CNBD1: variants seen among roughly 807,000 people sequenced by gnomAD.
The protein encoded by CNBD1 is cyclic nucleotide binding domain containing 1, also known as cyclic nucleotide-binding domain-containing protein 1.
CNBD1 carries 71 observed loss-of-function variants against 54.4 expected under a neutral mutation model. The ratio of observed to expected loss-of-function variants is 1.30; its 90% CI spans 1.08 to 1.59. The LOEUF is 1.59. Ranked by LOEUF, CNBD1 falls within the 40% of genes most tolerant of loss-of-function variation. The pLI is 0.00. For synonymous variants in CNBD1, 182 were observed against 170.7 expected (o/e 1.07, Z -0.51); for missense variants, 659 against 518.0 (o/e 1.27, Z -2.64).
At chr8:87,353,964 G>A (rs556733795) in intron 10 of CNBD1, 178 bp downstream of exon 10, 43 of 476,514 alleles carry the variant, frequency 9.0e-5, no homozygotes, top group African/African-American at 8.3e-4. Context: ...ATTTTGAAAA[G>A]GGCACATGTT....
chr8:87,210,419 C>A (rs550378917), intron 5 of CNBD1, among the ~76,000 whole-genome samples: 1 of 152,278 alleles, frequency 6.6e-6, no homozygotes, highest in East Asian at 1.9e-4. Context: ...GTGCTGATAG[C>A]CAAGACAGTG....
chr8:87,035,256 G>A (rs562036146), intron 4 of CNBD1, among the ~76,000 whole-genome samples: 1 of 152,192 alleles, frequency 6.6e-6, no homozygotes, highest in East Asian at 1.9e-4. Context: ...TGGGGATTGG[G>A]CTTCTAGTAT....
chr8:87,201,950 AAACTT>A (rs1178096262), intron 4 of CNBD1, among the ~76,000 whole-genome samples: 1 of 152,082 alleles, frequency 6.6e-6, no homozygotes, highest in Non-Finnish European at 1.5e-5. Context: ...AAAGGGGAAA[AAACTT>A]AATATTGGTA....
intron 4 of CNBD1, among the ~76,000 whole-genome samples, chr8:87,159,600 G>A (rs1812814442): frequency 6.6e-6 from 1 of 152,008 alleles, no homozygotes; most frequent in African/African-American, 2.4e-5. Context: ...AGGTAGTGAT[G>A]CTGGATGACC....
Position 87,339,551 on chromosome 8 carries a change from G to A in CNBD1, c.1043-12134G>A, listed in dbSNP as rs575946667. The stretch of plus-strand genomic sequence containing the variant: ...TTTCAGTTTGTTCAGCATTTTGCTT[G>A]TTATTAAGATGAAGTGGTGACTTCC... On this transcript the variant is annotated intron_variant, in intron 8 of 10. Coordinates refer to ENST00000518476, the MANE Select transcript of CNBD1 (RefSeq NM_173538.3). 5.3e-5 allele frequency among the ~76,000 whole-genome samples: 8 copies of A among 152,188 alleles called. No individual in the cohort carries two copies. In the South Asian group the frequency reaches 1.7e-3, roughly 32 times the overall value.
chr8:87,184,665 G>A (rs1357393911), intron 4 of CNBD1, among the ~76,000 whole-genome samples: 1 of 152,224 alleles, frequency 6.6e-6, no homozygotes, highest in Non-Finnish European at 1.5e-5. Flanking sequence ...AGAAGCCACT[G>A]GGGGCCAGGA....
intron 2 of CNBD1, among the ~76,000 whole-genome samples, chr8:87,424,575 G>T (rs1358146821): frequency 6.6e-6 from 1 of 152,140 alleles, no homozygotes; most frequent in East Asian, 1.9e-4. Flanking sequence ...TTTCCATGTA[G>T]TTGCGCGTTT....
At chr8:87,265,608 A>G (rs912556122) in intron 6 of CNBD1, among the ~76,000 whole-genome samples, 1 of 152,042 alleles carries the variant, frequency 6.6e-6, no homozygotes, top group Non-Finnish European at 1.5e-5. Context: ...AATGAATGAA[A>G]CTCTAGATTT....
At chr8:86,904,453 G>A (rs4960992) in intron 2 of CNBD1, among the ~76,000 whole-genome samples, 1 of 151,630 alleles carries the variant, frequency 6.6e-6, no homozygotes, top group Non-Finnish European at 1.5e-5. Context: ...TTTGGTATTT[G>A]CCATGAATCA....
chr8:87,265,067 T>A (rs1269119177), intron 6 of CNBD1, among the ~76,000 whole-genome samples: 1 of 152,154 alleles, frequency 6.6e-6, no homozygotes, highest in Admixed American at 6.6e-5. Context: ...AGTCATGAAG[T>A]CCTTGCCCAT....
intron 4 of CNBD1, among the ~76,000 whole-genome samples, chr8:87,168,582 C>G (rs1388455418): frequency 6.6e-6 from 1 of 151,986 alleles, no homozygotes; most frequent in Non-Finnish European, 1.5e-5. Flanking sequence ...CCGACTCCCT[C>G]TGCTACCCTT....
At chr8:87,102,802 G>C (rs1166216294) in intron 4 of CNBD1, among the ~76,000 whole-genome samples, 1 of 152,046 alleles carries the variant, frequency 6.6e-6, no homozygotes, top group Non-Finnish European at 1.5e-5. Context: ...TTTTAGTAGA[G>C]ACGGGGTTTC....
chr8:87,194,041 G>A (rs1813663547), intron 4 of CNBD1, among the ~76,000 whole-genome samples: 1 of 152,114 alleles, frequency 6.6e-6, no homozygotes, highest in Non-Finnish European at 1.5e-5. Context: ...CTCCTGTCAA[G>A]TCGGCAAATT....
intron 4 of CNBD1, among the ~76,000 whole-genome samples, chr8:87,178,028 G>A (rs1813233547): frequency 6.6e-6 from 1 of 152,290 alleles, no homozygotes; most frequent in South Asian, 2.1e-4. Flanking sequence ...AAGCTTAAAA[G>A]CAATGTGGAG....
chr8:87,087,835 T>C (rs568519041), intron 4 of CNBD1, among the ~76,000 whole-genome samples: 22 of 152,170 alleles, frequency 1.4e-4, no homozygotes, highest in Non-Finnish European at 2.8e-4. Flanking sequence ...TGAGTTTACC[T>C]TTCTCATTTT....
chr8:87,309,089 T>A (rs976153714), intron 8 of CNBD1, among the ~76,000 whole-genome samples: 1 of 152,106 alleles, frequency 6.6e-6, no homozygotes. Flanking sequence ...TGATTTTCGT[T>A]CTTTTGGGTA....
chr8:87,236,812 TGAAA>T (rs1807591641), intron 5 of CNBD1, 103 bp from the exon 6 acceptor site: 1 of 602,762 alleles, frequency 1.7e-6, no homozygotes, highest in Non-Finnish European at 2.8e-6. Flanking sequence ...CAGAATACAC[TGAAA>T]GAAATACGTT....
chr8:86,954,935 TA>T, intron 4 of CNBD1, among the ~76,000 whole-genome samples: 2 of 152,038 alleles, frequency 1.3e-5, no homozygotes, highest in Non-Finnish European at 2.9e-5. Context: ...CTGCACCCAT[TA>T]ACTTGTCATT....
intron 5 of CNBD1, among the ~76,000 whole-genome samples, chr8:87,230,781 T>G (rs1814668183): frequency 1.3e-5 from 2 of 152,200 alleles, no homozygotes; most frequent in South Asian, 4.1e-4. Flanking sequence ...TTAAGAAATC[T>G]AGATTAAGAG....
Sources: allele counts gnomAD v4.1 joint callset (sites outside exome capture counted in the v4.1 genomes callset), GRCh38; gene constraint gnomAD v4.1.1; transcripts MANE v1.5; gene names NCBI Gene and HGNC (gene_info 2026-07-23, HGNC 2026-07-21).